GDF6: variants seen among roughly 807,000 people sequenced by gnomAD.
GDF6 encodes growth differentiation factor 6, also known as growth/differentiation factor 6.
A neutral mutation model predicts 32.4 loss-of-function variants in GDF6; 3 were observed. That is an observed-to-expected ratio of 0.09 (90% CI 0.04 to 0.24). GDF6 has a LOEUF of 0.24. Among genes scored for constraint, GDF6 ranks in the 10% least tolerant of loss-of-function variants. GDF6 has a pLI of 1.00. For synonymous variants in GDF6, 296 were observed against 295.3 expected (o/e 1.00, Z -0.03); for missense variants, 589 against 637.9 (o/e 0.92, Z 0.83).
In GDF6 at chr8:96,160,323, C is replaced by A; in HGVS notation, c.370G>T (p.Ala124Ser). Residue 124 changes from alanine to serine, a missense_variant, in exon 1 of 2, where the codon GCT becomes TCT. By Grantham distance (99) the Ala-to-Ser change is moderately conservative (BLOSUM62 1). This residue lies in a region of GDF6 where 436 missense variants were observed against 411.2 expected (regional missense o/e 1.06). Transcript: ENST00000287020. ...TCTACAAAGCTGGTGATCGTATTAG[C>A]CGACTTGGAAGACTGGAAAAAGCTG... ...NASFFQSSKSANTITSFVDRG... is the reference protein window; with the variant it reads ...NASFFQSSKSSNTITSFVDRG... 1 of 1,614,224 alleles carries A rather than the reference C, an allele frequency of 6.2e-7. No individual in the cohort carries two copies. Among genetic ancestry groups the A allele is most frequent in the Non-Finnish European group, 8.5e-7 (1 of 1,180,044 alleles).
At chr8:96,146,717 G>A (rs1387434368) in intron 1 of GDF6, among the ~76,000 whole-genome samples, 1 of 151,656 alleles carries the variant, frequency 6.6e-6, no homozygotes, top group Non-Finnish European at 1.5e-5. Context: ...CAGAGAGAGA[G>A]AGAGAGAGAT....
At chr8:96,147,687 T>C (rs989148858) in intron 1 of GDF6, among the ~76,000 whole-genome samples, 3 of 152,246 alleles carry the variant, frequency 2.0e-5, no homozygotes, top group African/African-American at 4.8e-5. Context: ...GCCATACTTA[T>C]GTCTATTTAA....
intron 1 of GDF6, among the ~76,000 whole-genome samples, chr8:96,160,032 C>T (rs1486019576): frequency 2.0e-5 from 3 of 152,152 alleles, no homozygotes; most frequent in Non-Finnish European, 4.4e-5. Context: ...ACCACGCTGC[C>T]TTCTGCAAAA....
chr8:96,147,109 A>G (rs1812497958), intron 1 of GDF6, among the ~76,000 whole-genome samples: 1 of 152,142 alleles, frequency 6.6e-6, no homozygotes. Context: ...TGGGCCCAGC[A>G]TCCAACCCTC....
At chr8:96,156,403 TCTTTCC>T (rs1323874278) in intron 1 of GDF6, among the ~76,000 whole-genome samples, 2 of 132,392 alleles carry the variant, frequency 1.5e-5, no homozygotes, top group Middle Eastern at 3.8e-3. Context: ...TCTCTCTCTC[TCTTTCC>T]CTCTCTCTCT....
At chr8:96,158,164 T>C (rs1812700512) in intron 1 of GDF6, among the ~76,000 whole-genome samples, 1 of 152,142 alleles carries the variant, frequency 6.6e-6, no homozygotes. Context: ...TCCCCAGCCC[T>C]CCACCGCATT....
chr8:96,156,654 G>A (rs1427154242), intron 1 of GDF6, among the ~76,000 whole-genome samples: 1 of 152,098 alleles, frequency 6.6e-6, no homozygotes, highest in African/African-American at 2.4e-5. Flanking sequence ...TCACCTTTAT[G>A]GATCCAACAT....
chr8:96,145,113 T>C lies in GDF6; in HGVS notation c.818A>G (p.Gln273Arg), dbSNP rs1191944900. ...GAATACCACCAGCAGGGCCCGCTCC[T>C]GGGGAGGCCGCACCCTCCGGCCGAA... ...LGFGRRVRPPQERALLVVFTR... is the reference protein window; with the variant it reads ...LGFGRRVRPPRERALLVVFTR... The change falls in exon 2 of 2, where the codon CAG (glutamine) becomes CGG (arginine). Residue 273 changes from glutamine (Q) to arginine (R), a missense_variant. Gln to Arg is a conservative substitution (Grantham distance 43, BLOSUM62 1). Transcript: ENST00000287020. The surrounding 1 kb of genome is among the most constrained non-coding windows in gnomAD (Gnocchi z 5.6). 2.0e-6 allele frequency: 3 copies of C among 1,524,916 alleles called. No homozygotes were observed. The highest frequency in any genetic ancestry group is 2.6e-6 in the Non-Finnish European group (3 of 1,145,714). 94.5% of individuals were successfully genotyped at this position (1,524,916 alleles called of 1,614,324 possible). A position where few individuals can be genotyped will look rare whatever the true frequency, so the allele number is the denominator to read the frequency against.
rs200800110 is a variant in GDF6 at position 96,144,532 on chromosome 8, G to T, written c.*31C>A. ...GCAAGGCGGACCTTGGCCCACCTTGGTTCCGGGCCAAGGCGGCGGGAAAGG... is the reference window on the plus strand; with the variant it reads ...GCAAGGCGGACCTTGGCCCACCTTGTTTCCGGGCCAAGGCGGCGGGAAAGG... On this transcript the variant is annotated 3_prime_UTR_variant, in exon 2 of 2. Transcript: ENST00000287020. This position sits in a 1 kb window ranked among gnomAD's most constrained non-coding sequence, Gnocchi z 5.1. 1.9e-4 allele frequency: 303 copies of T among 1,610,470 alleles called. No homozygotes were observed. Among genetic ancestry groups the T allele is most frequent in the Non-Finnish European group, 2.5e-4 (298 of 1,178,592 alleles).
At chr8:96,153,178 G>A (rs1314964780) in intron 1 of GDF6, among the ~76,000 whole-genome samples, 2 of 152,186 alleles carry the variant, frequency 1.3e-5, no homozygotes, top group South Asian at 2.1e-4. Context: ...GCTCCAAGGC[G>A]CTTTAAGGAA....
rs998429277 is a variant in GDF6, at chr8:96,145,025, A to C, written c.906T>G (p.Ala302=). Residue 302 remains alanine, a synonymous_variant, in exon 2 of 2, where the codon GCT becomes GCG. Transcript: ENST00000287020. This position sits in a 1 kb window ranked among gnomAD's most constrained non-coding sequence, Gnocchi z 5.6. The stretch of plus-strand genomic sequence containing the variant: ...CCTCGGCGCCCGCGCCCGGGCCCGC[A>C]GCCTCGGCCGAGCCCAGCTGCTCGC... ...EMREQLGSAE[A]AGPGAGAEGS... The C allele has an allele frequency of 7.0e-7, 1 of 1,423,862 alleles. No individual in the cohort carries two copies. The highest frequency in any genetic ancestry group is 9.2e-7 in the Non-Finnish European group (1 of 1,089,170). 88.2% of individuals were successfully genotyped at this position (1,423,862 alleles called of 1,614,324 possible).
intron 1 of GDF6, among the ~76,000 whole-genome samples, chr8:96,157,751 A>G (rs1812693712): frequency 6.6e-6 from 1 of 152,068 alleles, no homozygotes; most frequent in African/African-American, 2.4e-5. Context: ...ATCACGGGAG[A>G]CGAGACACCG....
Position 96,160,359 on chromosome 8 carries a change from C to G in GDF6, c.334G>C (p.Gly112Arg). ...GACTGGAAAAAGCTGGCATTGATGC[C>G]CAGCTTCTCAGCGATGGAGTAAGTC... ...YRTYSIAEKLGINASFFQSSK... is the reference protein window; with the variant it reads ...YRTYSIAEKLRINASFFQSSK... Residue 112 changes from glycine (G) to arginine (R), a missense_variant, in exon 1 of 2, where the codon GGC becomes CGC. Transcript: ENST00000287020. 1.2e-6 allele frequency: 2 copies of G among 1,614,170 alleles called. No homozygotes were observed. The highest frequency in any genetic ancestry group is 1.7e-6 in the Non-Finnish European group (2 of 1,180,024).
rs1812475402 is a variant in GDF6 at position 96,145,746 on chromosome 8, C to T, written c.407-222G>A. On this transcript the variant is annotated intron_variant, in intron 1 of 1. Coordinates refer to ENST00000287020, the MANE Select transcript of GDF6 (RefSeq NM_001001557.4). This position sits in a 1 kb window ranked among gnomAD's most constrained non-coding sequence, Gnocchi z 5.6. The stretch of plus-strand genomic sequence containing the variant: ...CGGGCCCCCTCCTTCGCGTCAGCTC[C>T]GGACTCTCAGGGCGGAAGTCGGTGG... Among the ~76,000 whole-genome samples the T allele has an allele frequency of 6.6e-6, 1 of 152,090 alleles. No individual in the cohort carries two copies. Among genetic ancestry groups the T allele is most frequent in the Non-Finnish European group, 1.5e-5 (1 of 68,002 alleles).
At chr8:96,148,720 C>G (rs553621418) in intron 1 of GDF6, among the ~76,000 whole-genome samples, 1 of 152,338 alleles carries the variant, frequency 6.6e-6, no homozygotes, top group East Asian at 1.9e-4. Flanking sequence ...AGGGCAGCAT[C>G]TAAGGCAGTA....
In GDF6 at chr8:96,143,467, C is replaced by T. The variant is rs1812406401; in HGVS notation, c.*1096G>A. On this transcript the variant is annotated 3_prime_UTR_variant, in exon 2 of 2. Coordinates refer to ENST00000287020, the MANE Select transcript of GDF6 (RefSeq NM_001001557.4). ...ACCATCTTCCCTCCTGATGGGACTC[C>T]TTCTACTTCTTGGTTCCTTTTCCCT... The T allele has an allele frequency of 6.5e-6, 1 of 152,696 alleles. No individual in the cohort carries two copies. Among genetic ancestry groups the T allele is most frequent in the South Asian group, 2.1e-4 (1 of 4,830 alleles). The allele number at this position is 152,696 out of a possible 1,614,324, so 9.5% of individuals were successfully genotyped here.
chr8:96,145,110 T>C lies in GDF6; in HGVS notation c.821A>G (p.Glu274Gly), dbSNP rs758349534. 1.3e-6 allele frequency: 2 copies of C among 1,525,814 alleles called. No homozygotes were observed. Among genetic ancestry groups the C allele is most frequent in the South Asian group, 1.2e-5 (1 of 81,306 alleles). 94.5% of individuals were successfully genotyped at this position (1,525,814 alleles called of 1,614,324 possible). A position where few individuals can be genotyped will look rare whatever the true frequency, so the allele number is the denominator to read the frequency against. Residue 274 changes from glutamate (E) to glycine (G), a missense_variant, in exon 2 of 2, where the codon GAG (glutamate) becomes GGG (glycine). Glu to Gly is a moderately conservative substitution (Grantham distance 98). Coordinates refer to ENST00000287020, the MANE Select transcript of GDF6 (RefSeq NM_001001557.4). This position sits in a 1 kb window ranked among gnomAD's most constrained non-coding sequence, Gnocchi z 5.6. Reference protein sequence around the residue: ...GFGRRVRPPQERALLVVFTRS... With the variant: ...GFGRRVRPPQGRALLVVFTRS... Reference sequence around the variant, plus strand: ...GGTGAATACCACCAGCAGGGCCCGCTCCTGGGGAGGCCGCACCCTCCGGCC... The same window carrying C: ...GGTGAATACCACCAGCAGGGCCCGCCCCTGGGGAGGCCGCACCCTCCGGCC...
In GDF6 at chr8:96,160,621, C is replaced by T. The variant is rs367719359; in HGVS notation, c.72G>A (p.Gln24=). ...ACGAGGAGGATGAGATGGAAGCCTGCTGGAAACCGGGCAAATCCCACAGAA... is the reference window on the plus strand; with the variant it reads ...ACGAGGAGGATGAGATGGAAGCCTGTTGGAAACCGGGCAAATCCCACAGAA... ...ISFLWDLPGF[Q]QASISSSSSS... The change falls in exon 1 of 2, where the codon CAG becomes CAA. Residue 24 remains glutamine, a synonymous_variant. Transcript: ENST00000287020. 2.2e-5 allele frequency: 35 copies of T among 1,613,650 alleles called. No individual in the cohort carries two copies. The South Asian group carries it at 3.8e-4, about 18-fold the overall frequency.
At chr8:96,155,211 T>C (rs1298977157) in intron 1 of GDF6, among the ~76,000 whole-genome samples, 1 of 152,250 alleles carries the variant, frequency 6.6e-6, no homozygotes, top group Admixed American at 6.5e-5. Context: ...GCTATGTCCG[T>C]CTCAGATTAG....
Sources: allele counts gnomAD v4.1 joint callset (sites outside exome capture counted in the v4.1 genomes callset), GRCh38; gene constraint gnomAD v4.1.1; regional missense constraint gnomAD v4.1.1; non-coding constraint Gnocchi (gnomAD v3.1); transcripts MANE v1.5; gene names NCBI Gene and HGNC (gene_info 2026-07-23, HGNC 2026-07-21).